Variants in ZZZ3 observed in about 807,000 individuals in gnomAD.
ZZZ3 encodes the protein ZZ-type zinc finger-containing protein 3.
A neutral mutation model predicts 95.2 loss-of-function variants in ZZZ3; 22 were observed. That is an observed-to-expected ratio of 0.23 (90% CI 0.17 to 0.33). The LOEUF (loss-of-function observed/expected upper bound fraction) is 0.33. ZZZ3 is among the 10% of genes least tolerant of loss of function. ZZZ3 has a pLI of 1.00. For missense variants in ZZZ3, 885 were observed against 1,066.5 expected, an observed-to-expected ratio of 0.83 and a Z score of 2.37; for synonymous variants, 335 against 358.9, an observed-to-expected ratio of 0.93 and a Z score of 0.75.
At chr1:77,679,122 G>A (rs1291647177) in intron 1 of ZZZ3, among the ~76,000 whole-genome samples, 1 of 152,090 alleles carries the variant, frequency 6.6e-6, no homozygotes, top group Non-Finnish European at 1.5e-5. Flanking sequence ...TGGACTTTGG[G>A]AAATATTTAC....
At chr1:77,662,996 T>G (rs763384817) in intron 1 of ZZZ3, among the ~76,000 whole-genome samples, 43 of 152,010 alleles carry the variant, frequency 2.8e-4, no homozygotes, top group Non-Finnish European at 7.4e-5. Flanking sequence ...TCCCACCTAT[T>G]CGGGAGGCTG....
intron 13 of ZZZ3, among the ~76,000 whole-genome samples, chr1:77,566,932 G>C (rs1226826395): frequency 6.6e-6 from 1 of 152,144 alleles, no homozygotes; most frequent in African/African-American, 2.4e-5. Flanking sequence ...GCCATGGCTG[G>C]GTTTTGCAGC....
At chr1:77,604,716 G>GTTTA (rs777529490) in intron 5 of ZZZ3, among the ~76,000 whole-genome samples, 3 of 152,172 alleles carry the variant, frequency 2.0e-5, no homozygotes, top group Non-Finnish European at 4.4e-5. Flanking sequence ...GATAGTATCA[G>GTTTA]TTTACACTTA....
intron 5 of ZZZ3, among the ~76,000 whole-genome samples, chr1:77,619,715 A>G (rs1240949717): frequency 6.6e-6 from 1 of 152,198 alleles, no homozygotes; most frequent in Non-Finnish European, 1.5e-5. Flanking sequence ...CCACTAGGTA[A>G]CAAACTCGGA....
At chr1:77,589,977 CTAAAAAAACTAAT>C (rs1347448136) in intron 5 of ZZZ3, among the ~76,000 whole-genome samples, 3 of 152,092 alleles carry the variant, frequency 2.0e-5, no homozygotes, top group African/African-American at 7.2e-5. Context: ...CATTTGTAAT[CTAAAAAAACTAAT>C]GGAGAAACAT....
At chr1:77,675,533 G>A (rs1672178472) in intron 1 of ZZZ3, among the ~76,000 whole-genome samples, 1 of 151,720 alleles carries the variant, frequency 6.6e-6, no homozygotes, top group Non-Finnish European at 1.5e-5. Flanking sequence ...AAGACAGAAG[G>A]AAATTACATC....
intron 1 of ZZZ3, among the ~76,000 whole-genome samples, chr1:77,662,929 G>A (rs940213703): frequency 3.3e-5 from 5 of 152,040 alleles, no homozygotes; most frequent in African/African-American, 4.8e-5. Context: ...ATATAGTGAC[G>A]CTCCGTCTCT....
intron 5 of ZZZ3, among the ~76,000 whole-genome samples, chr1:77,611,064 A>G (rs1234942347): frequency 1.3e-5 from 2 of 151,970 alleles, no homozygotes; most frequent in African/African-American, 4.8e-5. Context: ...TTATACATAG[A>G]AAACCCTAAA....
chr1:77,649,187 CA>C (rs1669573658), intron 1 of ZZZ3, among the ~76,000 whole-genome samples: 1 of 152,008 alleles, frequency 6.6e-6, no homozygotes. Flanking sequence ...AATAAAACTA[CA>C]GTAAGCCAGC....
intron 5 of ZZZ3, among the ~76,000 whole-genome samples, chr1:77,594,908 G>A (rs916521519): frequency 4.5e-5 from 6 of 134,520 alleles, no homozygotes; most frequent in East Asian, 4.3e-4. Flanking sequence ...GTATGAACTT[G>A]CCTTGACAGG....
At chr1:77,616,890 A>G (rs962699411) in intron 5 of ZZZ3, among the ~76,000 whole-genome samples, 1 of 152,102 alleles carries the variant, frequency 6.6e-6, no homozygotes, top group Non-Finnish European at 1.5e-5. Flanking sequence ...TAAATAAAAT[A>G]AAAATAAAAA....
At chr1:77,661,980 CTTT>C (rs397861463) in intron 1 of ZZZ3, among the ~76,000 whole-genome samples, 2 of 134,986 alleles carry the variant, frequency 1.5e-5, no homozygotes, top group Non-Finnish European at 3.2e-5. Flanking sequence ...TGATGCCTGG[CTTT>C]TTTTTTTTTT....
intron 12 of ZZZ3, among the ~76,000 whole-genome samples, chr1:77,571,258 C>T (rs1045118227): frequency 6.6e-6 from 1 of 152,018 alleles, no homozygotes; most frequent in Non-Finnish European, 1.5e-5. Flanking sequence ...TAAATCACCT[C>T]ACACCCAGTA....
chr1:77,630,580 T>C (rs1305996322), intron 5 of ZZZ3, among the ~76,000 whole-genome samples: 1 of 152,190 alleles, frequency 6.6e-6, no homozygotes, highest in Non-Finnish European at 1.5e-5. Context: ...CATTTATGAG[T>C]TGTTTTGCTA....
chr1:77,653,826 C>T (rs1354753648), intron 1 of ZZZ3, among the ~76,000 whole-genome samples: 1 of 152,010 alleles, frequency 6.6e-6, no homozygotes, highest in Non-Finnish European at 1.5e-5. Context: ...ATGAAATGGA[C>T]ACATTCCATG....
chr1:77,581,914 G>T, intron 7 of ZZZ3, 23 bp from the exon 8 acceptor site: 3 of 1,607,414 alleles, frequency 1.9e-6, no homozygotes, highest in South Asian at 2.2e-5. Flanking sequence ...ACCACATACA[G>T]AACTGTTAAA....
chr1:77,576,077 T>C lies in ZZZ3; in HGVS notation c.2322A>G (p.Glu774=), dbSNP rs180908841. The C allele has an allele frequency of 3.7e-6, 6 of 1,606,360 alleles. No homozygotes were observed. In the African/African-American group the frequency reaches 4.0e-5, roughly 11 times the overall value. Residue 774 remains glutamate (E), a synonymous_variant, in exon 12 of 15, where the codon GAA becomes GAG. Transcript: ENST00000370801. ...GATGTGTATAACTTACTGATGCATC[T>C]TCAACAGCAGTGTTCATGTGGCTAT... The part of the protein sequence containing the change: ...CFHSHMNTAV[E]DASDDESIPI...
intron 5 of ZZZ3, among the ~76,000 whole-genome samples, chr1:77,628,141 C>T (rs890543028): frequency 2.6e-5 from 4 of 152,088 alleles, no homozygotes; most frequent in Admixed American, 6.6e-5. Context: ...AGGTCAATTC[C>T]GAAACAGAAA....
intron 1 of ZZZ3, among the ~76,000 whole-genome samples, chr1:77,643,345 T>G (rs1557756267): frequency 6.6e-6 from 1 of 152,252 alleles, no homozygotes; most frequent in Non-Finnish European, 1.5e-5. Context: ...GCAAAACTGT[T>G]ATATGCTTTT....
Sources: allele counts gnomAD v4.1 joint callset (sites outside exome capture counted in the v4.1 genomes callset), GRCh38; gene constraint gnomAD v4.1.1; transcripts MANE v1.5; gene names NCBI Gene and HGNC (gene_info 2026-07-23, HGNC 2026-07-21).